The following CSMD1 variants were observed in gnomAD, a reference collection of about 807,000 sequenced individuals.
The protein encoded by CSMD1 is CUB and Sushi multiple domains 1.
A neutral mutation model predicts 417.5 loss-of-function variants in CSMD1; 213 were observed. The ratio of observed to expected loss-of-function variants is 0.51; its 90% CI spans 0.46 to 0.57. The LOEUF (loss-of-function observed/expected upper bound fraction) is 0.57. Among genes scored for constraint, CSMD1 ranks in the 20% least tolerant of loss-of-function variants. The pLI is 0.00. For missense variants in CSMD1, 6,923 were observed against 4,529.7 expected, an observed-to-expected ratio of 1.53 and a Z score of -15.17; for synonymous variants, 2,862 against 1,736.8, an observed-to-expected ratio of 1.65 and a Z score of -16.11.
intron 1 of CSMD1, among the ~76,000 whole-genome samples, chr8:4,930,667 C>A (rs146152536): frequency 1.3e-5 from 2 of 152,282 alleles, no homozygotes; most frequent in African/African-American, 4.8e-5. Context: ...TTAATATTTC[C>A]TACCCCAGGT....
chr8:3,414,605 T>A (rs76226355), intron 12 of CSMD1, among the ~76,000 whole-genome samples: 148 of 152,274 alleles, frequency 9.7e-4, no homozygotes, highest in African/African-American at 3.4e-3. Flanking sequence ...GTACCTTGCT[T>A]GAAATTTTTC....
At chr8:3,868,604 G>A (rs949882705) in intron 5 of CSMD1, among the ~76,000 whole-genome samples, 1 of 152,108 alleles carries the variant, frequency 6.6e-6, no homozygotes, top group African/African-American at 2.4e-5. Flanking sequence ...TCACGCAATA[G>A]GACCCGAACC....
At chr8:4,292,180 G>C (rs771811949) in intron 3 of CSMD1, among the ~76,000 whole-genome samples, 2 of 152,126 alleles carry the variant, frequency 1.3e-5, no homozygotes, top group African/African-American at 4.8e-5. Flanking sequence ...GATTTCAGAA[G>C]GGATGGACTT....
At chr8:4,009,021 C>A (rs781227020) in intron 4 of CSMD1, among the ~76,000 whole-genome samples, 4 of 152,072 alleles carry the variant, frequency 2.6e-5, no homozygotes, top group Non-Finnish European at 5.9e-5. Flanking sequence ...GAATTTCCAT[C>A]AGAGTAATTA....
chr8:3,601,271 A>AT (rs1162500057), intron 8 of CSMD1, among the ~76,000 whole-genome samples: 6 of 152,146 alleles, frequency 3.9e-5, no homozygotes, highest in Admixed American at 3.3e-4. Context: ...ATTTGGTAGG[A>AT]TTTTTGCTGC....
intron 1 of CSMD1, among the ~76,000 whole-genome samples, chr8:4,687,745 A>G (rs1241287038): frequency 6.6e-6 from 1 of 151,936 alleles, no homozygotes; most frequent in Non-Finnish European, 1.5e-5. Flanking sequence ...TTCTTCTTCT[A>G]TTTCTGGTTC....
At chr8:4,417,253 T>C (rs983775861) in intron 3 of CSMD1, among the ~76,000 whole-genome samples, 4 of 152,046 alleles carry the variant, frequency 2.6e-5, no homozygotes, top group African/African-American at 9.6e-5. Flanking sequence ...AACACGTTGA[T>C]TACACTATTT....
chr8:3,891,175 A>ATGT, intron 5 of CSMD1, among the ~76,000 whole-genome samples: 2 of 152,054 alleles, frequency 1.3e-5, no homozygotes, highest in Non-Finnish European at 1.5e-5. Flanking sequence ...CCTCCCAAGA[A>ATGT]GCTGGGACCA....
intron 10 of CSMD1, among the ~76,000 whole-genome samples, chr8:3,560,581 G>A (rs890667550): frequency 2.0e-5 from 3 of 152,150 alleles, no homozygotes; most frequent in African/African-American, 4.8e-5. Context: ...ATGAATGGGA[G>A]AGGAAGAAGG....
intron 5 of CSMD1, among the ~76,000 whole-genome samples, chr8:3,907,936 G>T (rs559455100): frequency 6.6e-6 from 1 of 152,238 alleles, no homozygotes. Flanking sequence ...TTCACTGATT[G>T]ATTTTTTTGG....
At chr8:4,283,247 C>G (rs1796888869) in intron 3 of CSMD1, among the ~76,000 whole-genome samples, 1 of 152,048 alleles carries the variant, frequency 6.6e-6, no homozygotes, top group Non-Finnish European at 1.5e-5. Context: ...CTTTTGCAAA[C>G]AGTTTAGATG....
At chr8:4,931,571 A>ATG (rs377328195) in intron 1 of CSMD1, among the ~76,000 whole-genome samples, 1 of 151,988 alleles carries the variant, frequency 6.6e-6, no homozygotes, top group Non-Finnish European at 1.5e-5. Flanking sequence ...AGCTGATTTC[A>ATG]AGAAAAAAGT....
intron 7 of CSMD1, among the ~76,000 whole-genome samples, chr8:3,618,399 C>T (rs1043152900): frequency 6.6e-6 from 1 of 152,096 alleles, no homozygotes; most frequent in Non-Finnish European, 1.5e-5. Context: ...TGGTTTCATT[C>T]TTAGTAAGTA....
intron 3 of CSMD1, among the ~76,000 whole-genome samples, chr8:4,159,478 T>C (rs532952753): frequency 2.0e-5 from 3 of 152,170 alleles, no homozygotes; most frequent in Non-Finnish European, 2.9e-5. Flanking sequence ...AATGTATCCA[T>C]CAATCAACGA....
chr8:2,968,548 T>G (rs111238225), intron 57 of CSMD1, among the ~76,000 whole-genome samples: 1 of 152,226 alleles, frequency 6.6e-6, no homozygotes, highest in Non-Finnish European at 1.5e-5. Context: ...CCTCAAATAT[T>G]GTACTGTGGA....
chr8:3,338,753 GC>G (rs1807442051), intron 23 of CSMD1, among the ~76,000 whole-genome samples: 1 of 150,814 alleles, frequency 6.6e-6, no homozygotes. Flanking sequence ...GTACAAAGTT[GC>G]CATATGGAAT....
chr8:3,978,712 C>G (rs547986706), intron 5 of CSMD1, among the ~76,000 whole-genome samples: 2 of 152,090 alleles, frequency 1.3e-5, no homozygotes, highest in African/African-American at 4.8e-5. Flanking sequence ...ATTGAGCACT[C>G]TGATATTGAT....
At chr8:3,066,903 T>C (rs898874266) in intron 49 of CSMD1, among the ~76,000 whole-genome samples, 5 of 152,196 alleles carry the variant, frequency 3.3e-5, no homozygotes, top group Non-Finnish European at 5.9e-5. Flanking sequence ...TTGTAGTGTC[T>C]TTGATCAGGC....
chr8:3,474,714 C>G (rs11776305), intron 11 of CSMD1, among the ~76,000 whole-genome samples: 26,170 of 151,970 alleles, frequency 0.17, 2,739 homozygotes, highest in East Asian at 0.39. Flanking sequence ...TTCCAAAGAC[C>G]TATTAATGAT....
Sources: gnomAD v4.1 joint callset for allele counts (sites outside exome capture counted in the v4.1 genomes callset) on GRCh38, gnomAD v4.1.1 for gene constraint, MANE v1.5 for transcripts, NCBI Gene and HGNC (gene_info 2026-07-23, HGNC 2026-07-21) for gene names.